Variants in STIM2 observed in about 807,000 individuals in gnomAD.
STIM2 encodes the protein stromal interaction molecule 2.
STIM2 carries 31 observed loss-of-function variants against 85.8 expected under a neutral mutation model. The observed-to-expected ratio is 0.36, with a 90% confidence interval of 0.27 to 0.49. STIM2 has a LOEUF of 0.49. STIM2 is among the 20% of genes least tolerant of loss of function. The pLI, the probability that STIM2 is intolerant of heterozygous loss-of-function variation, is 0.98. For synonymous variants in STIM2, 356 were observed against 331.1 expected (o/e 1.08, Z -0.82); for missense variants, 841 against 927.6 (o/e 0.91, Z 1.21).
At chr4:26,961,816 G>GT (rs1726483823) in intron 3 of STIM2, among the ~76,000 whole-genome samples, 1 of 152,004 alleles carries the variant, frequency 6.6e-6, no homozygotes, top group South Asian at 2.1e-4. Context: ...CCAGGCCGGA[G>GT]TGCAGTGGTG....
intron 5 of STIM2, among the ~76,000 whole-genome samples, chr4:27,001,471 T>C (rs551633644): frequency 1.3e-5 from 2 of 152,328 alleles, no homozygotes; most frequent in African/African-American, 2.4e-5. Context: ...ATAATTGTTA[T>C]TACTATTTAA....
At chr4:27,010,219 G>A (rs1186654915) in intron 10 of STIM2, among the ~76,000 whole-genome samples, 2 of 152,162 alleles carry the variant, frequency 1.3e-5, no homozygotes, top group African/African-American at 2.4e-5. Flanking sequence ...GCTGAGGCAG[G>A]CAGGTCACTA....
At chr4:26,943,880 TA>T (rs1432335231) in intron 2 of STIM2, among the ~76,000 whole-genome samples, 1 of 152,168 alleles carries the variant, frequency 6.6e-6, no homozygotes, top group Non-Finnish European at 1.5e-5. Flanking sequence ...AATACCAGCA[TA>T]ACTAGTCAGG....
chr4:26,980,678 G>T (rs1727350875), intron 3 of STIM2, among the ~76,000 whole-genome samples: 1 of 152,120 alleles, frequency 6.6e-6, no homozygotes, highest in African/African-American at 2.4e-5. Flanking sequence ...AGTGTTTTAG[G>T]AATTTAAACT....
At chr4:26,910,602 A>G (rs138125908) in intron 1 of STIM2, among the ~76,000 whole-genome samples, 2 of 152,318 alleles carry the variant, frequency 1.3e-5, no homozygotes, top group East Asian at 3.9e-4. Context: ...ATATAGAGAT[A>G]AATACAGCTG....
chr4:26,884,293 A>G (rs1161680974), intron 1 of STIM2, among the ~76,000 whole-genome samples: 2 of 152,220 alleles, frequency 1.3e-5, no homozygotes, highest in Admixed American at 1.3e-4. Flanking sequence ...AGGGTGAACA[A>G]CATACCCACT....
intron 1 of STIM2, among the ~76,000 whole-genome samples, chr4:26,864,276 T>TA (rs1481872393): frequency 3.3e-5 from 5 of 152,242 alleles, no homozygotes; most frequent in Non-Finnish European, 7.4e-5. Context: ...TTAGGGCACT[T>TA]ACTTTGAAAG....
chr4:26,867,565 C>T (rs1405537774), intron 1 of STIM2, among the ~76,000 whole-genome samples: 2 of 152,108 alleles, frequency 1.3e-5, no homozygotes, highest in South Asian at 2.1e-4. Context: ...AGTCAAGAGT[C>T]GAAGTCTCTC....
chr4:26,992,606 T>A (rs1323592973), intron 3 of STIM2, among the ~76,000 whole-genome samples: 1 of 152,052 alleles, frequency 6.6e-6, no homozygotes, highest in African/African-American at 2.4e-5. Context: ...AGCTGAGATA[T>A]GAAGGTTTAA....
At chr4:26,901,833 C>T (rs1385232519) in intron 1 of STIM2, among the ~76,000 whole-genome samples, 1 of 151,994 alleles carries the variant, frequency 6.6e-6, no homozygotes, top group Non-Finnish European at 1.5e-5. Flanking sequence ...TCTTCTTATC[C>T]CTTTGAGAGA....
chr4:27,001,291 T>C (rs1485869539), intron 5 of STIM2, among the ~76,000 whole-genome samples: 1 of 152,186 alleles, frequency 6.6e-6, no homozygotes, highest in Non-Finnish European at 1.5e-5. Context: ...CCGTGAAAAT[T>C]AGTGTGTACT....
intron 7 of STIM2, among the ~76,000 whole-genome samples, chr4:27,006,277 T>C (rs1728329410): frequency 6.6e-6 from 1 of 152,248 alleles, no homozygotes; most frequent in Non-Finnish European, 1.5e-5. Context: ...TTCTTTGTTT[T>C]CACACTAACT....
chr4:26,955,955 A>G (rs949598274), intron 2 of STIM2, among the ~76,000 whole-genome samples: 4 of 152,172 alleles, frequency 2.6e-5, no homozygotes, highest in African/African-American at 7.2e-5. Flanking sequence ...TCAATATTAT[A>G]CAATTGTTAA....
Position 27,024,762 on chromosome 4 carries a change from A to G in STIM2, c.*1766A>G, listed in dbSNP as rs1410590417. ...AGGGTTGAAAGCTGTTGGAGAGGGGAAAAGTTGTGCATAAAGAACTGAAAA... is the reference window on the plus strand; with the variant it reads ...AGGGTTGAAAGCTGTTGGAGAGGGGGAAAGTTGTGCATAAAGAACTGAAAA... On this transcript the variant is annotated 3_prime_UTR_variant, in exon 12 of 12. Coordinates refer to ENST00000467087, the MANE Select transcript of STIM2 (RefSeq NM_020860.4). The G allele has an allele frequency of 2.0e-5, 3 of 152,202 alleles. No homozygotes were observed. Among genetic ancestry groups the G allele is most frequent in the Non-Finnish European group, 4.4e-5 (3 of 68,058 alleles). The allele number at this position is 152,202 out of a possible 1,614,324, so 9.4% of individuals were successfully genotyped here.
At chr4:26,917,150 G>A (rs1017746237) in intron 1 of STIM2, among the ~76,000 whole-genome samples, 2 of 152,132 alleles carry the variant, frequency 1.3e-5, no homozygotes, top group Non-Finnish European at 2.9e-5. Context: ...AGCAATTAAA[G>A]CTTAATCGAG....
At chr4:26,995,292 A>G (rs1422421218) in intron 3 of STIM2, 87 bp from the exon 4 acceptor site, 8 of 674,770 alleles carry the variant, frequency 1.2e-5, no homozygotes, top group Non-Finnish European at 1.9e-5. Flanking sequence ...ATGCAATCTA[A>G]TATCTTTATA....
At chr4:26,868,076 A>G (rs1722470335) in intron 1 of STIM2, among the ~76,000 whole-genome samples, 1 of 152,256 alleles carries the variant, frequency 6.6e-6, no homozygotes, top group African/African-American at 2.4e-5. Context: ...TTTGTCAGCC[A>G]TATCCTTTAA....
At chr4:26,875,989 T>G (rs1722803532) in intron 1 of STIM2, among the ~76,000 whole-genome samples, 1 of 152,168 alleles carries the variant, frequency 6.6e-6, no homozygotes, top group Non-Finnish European at 1.5e-5. Flanking sequence ...TGAAAAACCA[T>G]TTTCGCTTGT....
At chr4:26,903,798 G>T (rs1724017505) in intron 1 of STIM2, among the ~76,000 whole-genome samples, 1 of 152,016 alleles carries the variant, frequency 6.6e-6, no homozygotes, top group Non-Finnish European at 1.5e-5. Flanking sequence ...TGTCAAATTC[G>T]ATACCACCCA....
Sources: gnomAD v4.1 joint callset for allele counts (sites outside exome capture counted in the v4.1 genomes callset) on GRCh38, gnomAD v4.1.1 for gene constraint, MANE v1.5 for transcripts, NCBI Gene and HGNC (gene_info 2026-07-23, HGNC 2026-07-21) for gene names.